Variants in FAM89A observed in about 807,000 individuals in gnomAD.
FAM89A encodes the protein protein FAM89A.
A neutral mutation model predicts 7.1 loss-of-function variants in FAM89A; 10 were observed. The observed-to-expected ratio is 1.40, with a 90% confidence interval of 0.86 to 2.38. FAM89A has a LOEUF of 2.38. FAM89A is among the 30% of genes most tolerant of loss of function. The probability of loss-of-function intolerance (pLI) is 0.00; values close to 1 mark genes in which losing one functional copy is unlikely to be tolerated. For missense variants in FAM89A, 276 were observed against 262.8 expected, an observed-to-expected ratio of 1.05 and a Z score of -0.35; for synonymous variants, 157 against 129.3, an observed-to-expected ratio of 1.21 and a Z score of -1.45.
At chr1:231,023,884 G>C (rs953326175) in intron 1 of FAM89A, among the ~76,000 whole-genome samples, 1 of 152,148 alleles carries the variant, frequency 6.6e-6, no homozygotes, top group African/African-American at 2.4e-5. Context: ...CTTGGAGTCA[G>C]TCCACTAATA....
chr1:231,026,347 T>C (rs942439872), intron 1 of FAM89A: 1 of 152,352 alleles, frequency 6.6e-6, no homozygotes, highest in African/African-American at 2.4e-5. Context: ...CACTGCCTCA[T>C]GAGGAAGGGA....
intron 1 of FAM89A, among the ~76,000 whole-genome samples, chr1:231,028,091 C>A (rs1186803711): frequency 1.3e-5 from 2 of 152,214 alleles, no homozygotes; most frequent in Non-Finnish European, 2.9e-5. Context: ...CTCACCCTCC[C>A]AGAGAACACG....
At chr1:231,028,044 AT>A (rs1279568886) in intron 1 of FAM89A, among the ~76,000 whole-genome samples, 2 of 152,290 alleles carry the variant, frequency 1.3e-5, no homozygotes, top group East Asian at 3.9e-4. Flanking sequence ...ACAGGCAGAT[AT>A]TTGGTGAATC....
rs756660826 is a variant in FAM89A at position 231,039,981 on chromosome 1, TGCCGCCCGGGCCCCGCC to T, written c.214_230del (p.Gly72SerfsTer67). The T allele has an allele frequency of 4.2e-4, 584 of 1,378,160 alleles. No individual in the cohort carries two copies. The highest frequency in any genetic ancestry group is 4.9e-4 in the Non-Finnish European group (530 of 1,073,842). 85.4% of individuals were successfully genotyped at this position (1,378,160 alleles called of 1,614,324 possible). ...GGTTGGGAGGCTTGGCGGGCAGCGC[TGCCGCCCGGGCCCCGCC>T]GCCGCCCGGGCCCCCGCGGCTCAGC... is the stretch of plus-strand genomic sequence containing the variant. On this transcript the variant is annotated frameshift_variant, in exon 1 of 2. Coordinates refer to ENST00000366654, the MANE Select transcript of FAM89A (RefSeq NM_198552.3). LOFTEE classifies it high-confidence loss of function.
At chr1:231,021,493 T>C in intron 1 of FAM89A, 3 of 644,820 alleles carry the variant, frequency 4.7e-6, no homozygotes, top group South Asian at 1.9e-5. Context: ...CCAAATTCTT[T>C]TGCAAGCCAG....
At chr1:231,021,902 G>A (rs924046604) in intron 1 of FAM89A, 94 of 1,556,026 alleles carry the variant, frequency 6.0e-5, no homozygotes, top group Middle Eastern at 1.7e-4. Flanking sequence ...CAGTGACGAT[G>A]AGTTGTTGTC....
At chr1:231,021,563 T>G (rs1278141962) in intron 1 of FAM89A, 8 of 1,116,474 alleles carry the variant, frequency 7.2e-6, no homozygotes, top group East Asian at 7.1e-5. Context: ...AACCTTGGTA[T>G]AGATCACTTC....
intron 1 of FAM89A, among the ~76,000 whole-genome samples, chr1:231,025,566 C>T (rs1273664178): frequency 6.6e-6 from 1 of 152,102 alleles, no homozygotes; most frequent in Non-Finnish European, 1.5e-5. Context: ...ATGCCCAGGC[C>T]ACCACACCCT....
At chr1:231,024,549 C>CACACACACACACACAT (rs879412001) in intron 1 of FAM89A, among the ~76,000 whole-genome samples, 1 of 149,962 alleles carries the variant, frequency 6.7e-6, no homozygotes, top group Non-Finnish European at 1.5e-5. Flanking sequence ...CACACACACA[C>CACACACACACACACAT]ATTTAGAGAT....
intron 1 of FAM89A, among the ~76,000 whole-genome samples, chr1:231,034,772 C>A (rs6686282): frequency 0.041 from 2,894 of 70,926 alleles, 331 homozygotes; most frequent in East Asian, 0.087. Context: ...AACTCTGTCT[C>A]AAAAAAAAAA....
At chr1:231,035,908 A>G (rs1253483390) in intron 1 of FAM89A, among the ~76,000 whole-genome samples, 1 of 152,234 alleles carries the variant, frequency 6.6e-6, no homozygotes, top group Non-Finnish European at 1.5e-5. Flanking sequence ...TTAAAATACA[A>G]TCTTGTCCTT....
intron 1 of FAM89A, among the ~76,000 whole-genome samples, chr1:231,034,161 T>G (rs1050395065): frequency 6.6e-6 from 1 of 152,156 alleles, no homozygotes; most frequent in African/African-American, 2.4e-5. Flanking sequence ...TCACAGCAAC[T>G]AGGTATAGCT....
chr1:231,031,536 A>G (rs951087741), intron 1 of FAM89A, among the ~76,000 whole-genome samples: 1 of 152,196 alleles, frequency 6.6e-6, no homozygotes, highest in Non-Finnish European at 1.5e-5. Context: ...TTTCTTATAT[A>G]ATAACCAAAA....
At chr1:231,024,639 G>A (rs978069999) in intron 1 of FAM89A, among the ~76,000 whole-genome samples, 4 of 151,622 alleles carry the variant, frequency 2.6e-5, no homozygotes, top group African/African-American at 4.8e-5. Flanking sequence ...TGGGCTCAAG[G>A]GATCCTCCTG....
At chr1:231,026,783 G>A (rs4306110) in intron 1 of FAM89A, 62,692 of 152,016 alleles carry the variant, frequency 0.41, 15,517 homozygotes, top group Non-Finnish European at 0.54. Flanking sequence ...GCCCCCAGGA[G>A]TCTGACTCGG....
At chr1:231,020,341 G>T (rs1383688519) in intron 1 of FAM89A, among the ~76,000 whole-genome samples, 3 of 152,192 alleles carry the variant, frequency 2.0e-5, no homozygotes, top group Non-Finnish European at 2.9e-5. Flanking sequence ...GTCCAGTGAG[G>T]ATCGCATCTG....
intron 1 of FAM89A, among the ~76,000 whole-genome samples, chr1:231,031,585 C>A (rs1680070176): frequency 6.6e-6 from 1 of 152,154 alleles, no homozygotes; most frequent in East Asian, 1.9e-4. Flanking sequence ...TAATTATGGA[C>A]CCTCTGAAAG....
chr1:231,024,530 AC>A (rs1336266176), intron 1 of FAM89A, among the ~76,000 whole-genome samples: 8 of 151,662 alleles, frequency 5.3e-5, no homozygotes, highest in Admixed American at 2.0e-4. Context: ...GCACACACAC[AC>A]ACACACACAC....
chr1:231,021,962 G>A (rs1679887035), intron 1 of FAM89A: 2 of 1,395,720 alleles, frequency 1.4e-6, no homozygotes, highest in African/African-American at 2.8e-5. Flanking sequence ...AAACACCAGG[G>A]ATGAGGGCGC....
Sources: allele counts gnomAD v4.1 joint callset (sites outside exome capture counted in the v4.1 genomes callset), GRCh38; gene constraint gnomAD v4.1.1; transcripts MANE v1.5; gene names NCBI Gene and HGNC (gene_info 2026-07-23, HGNC 2026-07-21).